Variants in OR1L8 observed in about 807,000 individuals in gnomAD.
OR1L8 encodes the protein olfactory receptor 1L8.
For synonymous variants in OR1L8, 148 were observed against 147.0 expected (o/e 1.01, Z -0.05); for missense variants, 330 against 377.4 (o/e 0.87, Z 1.04).
rs564869311 is a variant in OR1L8 at position 122,581,149 on chromosome 9, C to T, written c.-600+2172G>A. Among the ~76,000 whole-genome samples, 53 of 152,058 alleles carry T rather than the reference C, an allele frequency of 3.5e-4. No homozygotes were observed. The South Asian group carries it at 0.01, about 30-fold the overall frequency. ...TTGGGAGGTTGAGGTAGGCAGATCACGAGGTCAGGAGATCGAGACCATCCT... is the reference window on the plus strand; with the variant it reads ...TTGGGAGGTTGAGGTAGGCAGATCATGAGGTCAGGAGATCGAGACCATCCT... On this transcript the variant is annotated intron_variant, in intron 1 of 4. Transcript: ENST00000641027.
chr9:122,554,339 T>A, the OR1L8 span: 1 of 571,652 alleles, frequency 1.7e-6, no homozygotes, highest in Non-Finnish European at 3.1e-6. Flanking sequence ...TGGAATGAGA[T>A]GTTCTGTCTC....
chr9:122,555,407 C>T, the OR1L8 span, among the ~76,000 whole-genome samples: 5 of 152,268 alleles, frequency 3.3e-5, no homozygotes, highest in East Asian at 7.7e-4. Flanking sequence ...ACCATCTTAG[C>T]CTTGAATTAG....
At chr9:122,561,441 G>GT in the OR1L8 span, among the ~76,000 whole-genome samples, 1 of 152,062 alleles carries the variant, frequency 6.6e-6, no homozygotes, top group East Asian at 1.9e-4. Context: ...GATTTTCAGC[G>GT]TTTTTTCGTT....
chr9:122,569,241 CTTCT>C (rs1432569645), intron 4 of OR1L8, among the ~76,000 whole-genome samples: 2 of 152,008 alleles, frequency 1.3e-5, no homozygotes, highest in East Asian at 3.9e-4. Context: ...TTGTTTTTCC[CTTCT>C]TTAATTCTCT....
At chr9:122,556,110 G>A in the OR1L8 span, among the ~76,000 whole-genome samples, 1 of 152,142 alleles carries the variant, frequency 6.6e-6, no homozygotes, top group African/African-American at 2.4e-5. Flanking sequence ...AGAATGTTAT[G>A]TAGTTGGAAT....
downstream of OR1L8, among the ~76,000 whole-genome samples, chr9:122,563,177 A>C (rs1829378437): frequency 1.1e-5 from 1 of 94,312 alleles, no homozygotes; most frequent in Non-Finnish European, 2.0e-5. Context: ...CCTCACTAGC[A>C]TTTGTTATTT....
chr9:122,560,844 T>C, the OR1L8 span, among the ~76,000 whole-genome samples: 10 of 152,172 alleles, frequency 6.6e-5, no homozygotes, highest in Non-Finnish European at 1.3e-4. Flanking sequence ...AGTGGAGTTC[T>C]CTGTATTTCC....
At chr9:122,549,983 A>G in the OR1L8 span, among the ~76,000 whole-genome samples, 2 of 152,182 alleles carry the variant, frequency 1.3e-5, no homozygotes, top group African/African-American at 4.8e-5. Flanking sequence ...GATTCTTCCA[A>G]TCCATGATCA....
At chr9:122,547,124 A>AT in the OR1L8 span, among the ~76,000 whole-genome samples, 1 of 151,476 alleles carries the variant, frequency 6.6e-6, no homozygotes, top group Admixed American at 6.6e-5. Context: ...CCACATAAAA[A>AT]AATAATAATT....
chr9:122,565,900 A>G (rs4837991), downstream of OR1L8, among the ~76,000 whole-genome samples: 41,455 of 152,050 alleles, frequency 0.27, 5,827 homozygotes, highest in Middle Eastern at 0.35. Flanking sequence ...CAATGACTGG[A>G]CTCCTAAACT....
At chr9:122,562,893 T>G (rs182818370), downstream of OR1L8, among the ~76,000 whole-genome samples, 429 of 152,310 alleles carry the variant, frequency 2.8e-3, 2 homozygotes, top group African/African-American at 9.8e-3. Flanking sequence ...TGTGCACATA[T>G]AGCACTTAAA....
At chr9:122,577,589 A>G (rs1829680022) in intron 2 of OR1L8, among the ~76,000 whole-genome samples, 1 of 152,204 alleles carries the variant, frequency 6.6e-6, no homozygotes, top group African/African-American at 2.4e-5. Context: ...AAAATAATAA[A>G]ATAACAGTGA....
chr9:122,551,362 TG>T, the OR1L8 span, among the ~76,000 whole-genome samples: 1 of 152,224 alleles, frequency 6.6e-6, no homozygotes, highest in Non-Finnish European at 1.5e-5. Flanking sequence ...CTGCTTTGTA[TG>T]AGGCACTATG....
intron 4 of OR1L8, among the ~76,000 whole-genome samples, chr9:122,570,847 T>G (rs1829535293): frequency 6.6e-6 from 1 of 152,164 alleles, no homozygotes; most frequent in Non-Finnish European, 1.5e-5. Flanking sequence ...TGTATTAGTA[T>G]TAGGTACATG....
At chr9:122,552,185 C>T in the OR1L8 span, among the ~76,000 whole-genome samples, 1 of 150,476 alleles carries the variant, frequency 6.6e-6, no homozygotes, top group African/African-American at 2.4e-5. Context: ...AGAAGCTTCT[C>T]TATGAACCAA....
intron 4 of OR1L8, among the ~76,000 whole-genome samples, chr9:122,570,683 A>C (rs1001143367): frequency 2.0e-5 from 3 of 152,210 alleles, no homozygotes; most frequent in Non-Finnish European, 4.4e-5. Context: ...CATGTTCTCA[A>C]AACTAATTAT....
chr9:122,561,624 A>G, the OR1L8 span, among the ~76,000 whole-genome samples: 1 of 152,054 alleles, frequency 6.6e-6, no homozygotes, highest in African/African-American at 2.4e-5. Flanking sequence ...CTGGGGGTTC[A>G]TTTCAGGCCT....
chr9:122,554,071 C>A, the OR1L8 span: 2 of 1,613,230 alleles, frequency 1.2e-6, no homozygotes, highest in African/African-American at 2.7e-5. Context: ...ATTATTCCCA[C>A]GCTAAACCCA....
At chr9:122,554,216 T>TC in the OR1L8 span, 3 of 1,366,186 alleles carry the variant, frequency 2.2e-6, no homozygotes, top group African/African-American at 2.9e-5. Flanking sequence ...CTGTCTTCCA[T>TC]CACTTCAGTA....
Sources: allele counts gnomAD v4.1 joint callset (sites outside exome capture counted in the v4.1 genomes callset), GRCh38; gene constraint gnomAD v4.1.1; transcripts MANE v1.5; gene names NCBI Gene and HGNC (gene_info 2026-07-23, HGNC 2026-07-21).